The following DOK6 variants were observed in gnomAD, a reference collection of about 807,000 sequenced individuals.
The protein encoded by DOK6 is docking protein 6, also known as downstream of tyrosine kinase 6.
In DOK6, 22 loss-of-function variants were observed where a neutral mutation model predicts 44.0. That is an observed-to-expected ratio of 0.50 (90% CI 0.36 to 0.71). DOK6 has a LOEUF of 0.71. DOK6 is among the 30% of genes least tolerant of loss of function. The pLI is 0.00. For synonymous variants in DOK6, 166 were observed against 145.5 expected (o/e 1.14, Z -1.01); for missense variants, 340 against 416.4 (o/e 0.82, Z 1.60).
chr18:69,495,252 G>A (rs1249183010), intron 1 of DOK6, among the ~76,000 whole-genome samples: 2 of 152,176 alleles, frequency 1.3e-5, no homozygotes, highest in African/African-American at 4.8e-5. Context: ...GTCTGGAGAG[G>A]GCCACAGCTC....
intron 1 of DOK6, among the ~76,000 whole-genome samples, chr18:69,415,345 AT>A (rs983161232): frequency 4.1e-5 from 6 of 148,126 alleles, no homozygotes; most frequent in Non-Finnish European, 6.1e-5. Flanking sequence ...GACTCAAATC[AT>A]TTTTTTGTAA....
chr18:69,699,400 C>T (rs968873776), intron 5 of DOK6, among the ~76,000 whole-genome samples: 52 of 152,064 alleles, frequency 3.4e-4, no homozygotes, highest in Middle Eastern at 3.2e-3. Flanking sequence ...TAAATATTTA[C>T]TCAATGTCAC....
At chr18:69,414,140 G>A (rs779148203) in intron 1 of DOK6, among the ~76,000 whole-genome samples, 22 of 152,054 alleles carry the variant, frequency 1.4e-4, no homozygotes, top group East Asian at 5.8e-4. Flanking sequence ...CATTACTGGC[G>A]GGAATATAAA....
chr18:69,536,501 G>T (rs999030795), intron 1 of DOK6, among the ~76,000 whole-genome samples: 1 of 151,044 alleles, frequency 6.6e-6, no homozygotes, highest in Admixed American at 6.6e-5. Flanking sequence ...TATCCATTTA[G>T]CCATGTATAT....
Position 69,759,076 on chromosome 18 carries a change from C to T in DOK6, c.856+1203C>T, listed in dbSNP as rs574359296. On this transcript the variant is annotated intron_variant, in intron 7 of 7. Coordinates refer to ENST00000382713, the MANE Select transcript of DOK6 (RefSeq NM_152721.6). Reference sequence around the variant, plus strand: ...GTAAAGGGACTCTCTTATGGCCAACCTGACTGCCTGTATTTAAGAGTTATT... The same window carrying T: ...GTAAAGGGACTCTCTTATGGCCAACTTGACTGCCTGTATTTAAGAGTTATT... Among the ~76,000 whole-genome samples the T allele has an allele frequency of 1.0e-3, 158 of 151,062 alleles. 1 individual carries two copies. Among genetic ancestry groups the T allele is most frequent in the African/African-American group, 3.7e-3 (152 of 41,464 alleles).
intron 1 of DOK6, chr18:69,470,242 A>T (rs536162864): frequency 1.3e-4 from 20 of 152,408 alleles, no homozygotes; most frequent in African/African-American, 4.8e-4. Flanking sequence ...CTAGTCTTCC[A>T]GAAAGCAAGG....
intron 1 of DOK6, among the ~76,000 whole-genome samples, chr18:69,477,078 G>A (rs1305560896): frequency 6.6e-6 from 1 of 152,188 alleles, no homozygotes; most frequent in African/African-American, 2.4e-5. Context: ...CATAAAAATA[G>A]TATCATTTTT....
At chr18:69,433,592 A>T (rs1978865929) in intron 1 of DOK6, among the ~76,000 whole-genome samples, 1 of 152,186 alleles carries the variant, frequency 6.6e-6, no homozygotes, top group African/African-American at 2.4e-5. Flanking sequence ...CATTGCAGGG[A>T]AGAATTCAGG....
At chr18:69,722,587 G>A (rs1187175146) in intron 5 of DOK6, among the ~76,000 whole-genome samples, 1 of 152,156 alleles carries the variant, frequency 6.6e-6, no homozygotes, top group East Asian at 1.9e-4. Flanking sequence ...GGTCAGTCAA[G>A]GTCACGTAAG....
intron 7 of DOK6, among the ~76,000 whole-genome samples, chr18:69,770,298 A>G (rs1599316252): frequency 6.6e-6 from 1 of 152,268 alleles, no homozygotes; most frequent in East Asian, 1.9e-4. Context: ...GGGATTATCA[A>G]CGCAGGCAGT....
At chr18:69,769,198 A>G (rs1979815028) in intron 7 of DOK6, among the ~76,000 whole-genome samples, 1 of 152,090 alleles carries the variant, frequency 6.6e-6, no homozygotes, top group South Asian at 2.1e-4. Context: ...GATAAACATT[A>G]TCAATGTCTT....
chr18:69,568,289 G>A (rs1448947200), intron 2 of DOK6, among the ~76,000 whole-genome samples: 1 of 152,202 alleles, frequency 6.6e-6, no homozygotes, highest in East Asian at 1.9e-4. Flanking sequence ...CTACATAGCT[G>A]TGTTTACATA....
intron 7 of DOK6, among the ~76,000 whole-genome samples, chr18:69,766,117 G>A (rs1477560441): frequency 6.6e-6 from 1 of 152,192 alleles, no homozygotes; most frequent in Non-Finnish European, 1.5e-5. Context: ...GTCCTTTGTA[G>A]CAACATGGAT....
intron 5 of DOK6, among the ~76,000 whole-genome samples, chr18:69,709,730 GAT>G (rs1475441846): frequency 6.6e-5 from 10 of 152,174 alleles, no homozygotes; most frequent in Admixed American, 1.3e-4. Context: ...AAAGAAAAAA[GAT>G]ATTTTTCTTG....
chr18:69,571,374 A>G (rs2144603173), intron 2 of DOK6, among the ~76,000 whole-genome samples: 1 of 152,190 alleles, frequency 6.6e-6, no homozygotes, highest in East Asian at 1.9e-4. Context: ...AGAAGAAAAT[A>G]GTTTATTTAA....
chr18:69,629,910 C>T (rs1475007063), intron 3 of DOK6, among the ~76,000 whole-genome samples: 1 of 152,128 alleles, frequency 6.6e-6, no homozygotes, highest in Non-Finnish European at 1.5e-5. Flanking sequence ...CCTGCCTCAG[C>T]CTCCCATGTA....
intron 7 of DOK6, among the ~76,000 whole-genome samples, chr18:69,833,553 C>A (rs570914466): frequency 1.3e-5 from 2 of 152,026 alleles, no homozygotes; most frequent in South Asian, 4.2e-4. Context: ...GCAAAATAGA[C>A]AAATGGTATT....
At chr18:69,756,168 C>T (rs1053428218) in intron 6 of DOK6, among the ~76,000 whole-genome samples, 2 of 152,118 alleles carry the variant, frequency 1.3e-5, no homozygotes, top group Admixed American at 6.5e-5. Flanking sequence ...AGAGGTTCCC[C>T]GGGGAGCCTT....
At chr18:69,442,597 A>G (rs72957406) in intron 1 of DOK6, among the ~76,000 whole-genome samples, 34,471 of 152,142 alleles carry the variant, frequency 0.23, 4,218 homozygotes, top group Middle Eastern at 0.39. Flanking sequence ...TTTGGATTAC[A>G]ATTCAAGATG....
Sources: allele counts gnomAD v4.1 joint callset (sites outside exome capture counted in the v4.1 genomes callset), GRCh38; gene constraint gnomAD v4.1.1; transcripts MANE v1.5; gene names NCBI Gene and HGNC (gene_info 2026-07-23, HGNC 2026-07-21).